TCF20: variants seen among roughly 807,000 people sequenced by gnomAD.
The protein encoded by TCF20 is SPRE-binding protein.
In TCF20, 3 loss-of-function variants were observed where a neutral mutation model predicts 148.6. The ratio of observed to expected loss-of-function variants is 0.02; its 90% CI spans 0.01 to 0.05. The LOEUF (loss-of-function observed/expected upper bound fraction) is 0.05. Ranked by LOEUF, TCF20 falls within the 10% of genes least tolerant of loss-of-function variation. TCF20 has a pLI of 1.00. For synonymous variants in TCF20, 1,049 were observed against 909.5 expected (o/e 1.15, Z -2.76); for missense variants, 2,350 against 2,429.3 (o/e 0.97, Z 0.69).
intron 1 of TCF20, among the ~76,000 whole-genome samples, chr22:42,221,149 G>A (rs1235579791): frequency 1.3e-5 from 2 of 152,200 alleles, no homozygotes; most frequent in Non-Finnish European, 2.9e-5. Flanking sequence ...GAGAGATTTA[G>A]AAGGCAAAAT....
rs1459914948 is a variant in TCF20 at position 42,169,000 on chromosome 22, A to C, written c.5800-264T>G. Among the ~76,000 whole-genome samples, 3 of 151,954 alleles carry C rather than the reference A, an allele frequency of 2.0e-5. No homozygotes were observed. The East Asian group carries it at 5.8e-4, about 29-fold the overall frequency. On this transcript the variant is annotated intron_variant, in intron 4 of 5. Transcript: ENST00000677622. ...GTGACCACTCCCCGCCCTTCCCCAGAAATAATTTTTAAAGAAAAGCATAAG... is the reference window on the plus strand; with the variant it reads ...GTGACCACTCCCCGCCCTTCCCCAGCAATAATTTTTAAAGAAAAGCATAAG...
chr22:42,243,310 A>AAAAAAAAAAAAAAAAAAACAAAAC (rs1569180401), intron 1 of TCF20, among the ~76,000 whole-genome samples: 4 of 140,954 alleles, frequency 2.8e-5, no homozygotes, highest in African/African-American at 1.2e-4. Flanking sequence ...AAAAAAAAAA[A>AAAAAAAAAAAAAAAAAAACAAAAC]AAAAAAAAAA....
intron 1 of TCF20, among the ~76,000 whole-genome samples, chr22:42,332,450 T>C (rs713804): frequency 0.6 from 91,702 of 152,022 alleles, 29,763 homozygotes; most frequent in African/African-American, 0.85. Flanking sequence ...CACTCTGGGT[T>C]CGACGGGGAG....
At chr22:42,196,881 T>C (rs941937699) in intron 2 of TCF20, among the ~76,000 whole-genome samples, 2 of 152,164 alleles carry the variant, frequency 1.3e-5, no homozygotes, top group African/African-American at 2.4e-5. Flanking sequence ...GGCTGGAAAT[T>C]TGTTATTCTG....
At chr22:42,223,559 C>T (rs957006128) in intron 1 of TCF20, among the ~76,000 whole-genome samples, 1 of 151,740 alleles carries the variant, frequency 6.6e-6, no homozygotes, top group African/African-American at 2.4e-5. Flanking sequence ...GTTAGTAATC[C>T]TTTTTGTAAA....
rs1921613184 is a variant in TCF20, at chr22:42,215,176, T to C, written c.130A>G (p.Thr44Ala). Reference protein sequence around the residue: ...QAQMFQNFGGTGGSSGSSGSG... With the variant: ...QAQMFQNFGGAGGSSGSSGSG... ...CCACTGCTGCCACTACTGCCACCTG[T>C]ACCTCCAAAATTCTGGAACATCTGG... The change falls in exon 2 of 6, where the codon ACA becomes GCA. Residue 44 changes from threonine (T) to alanine (A), a missense_variant. This residue lies in a region of TCF20 where 1,641 missense variants were observed against 1,662.6 expected (regional missense o/e 0.99). Transcript: ENST00000677622. 1.2e-6 allele frequency: 2 copies of C among 1,614,180 alleles called. No individual in the cohort carries two copies. Among genetic ancestry groups the C allele is most frequent in the Non-Finnish European group, 1.7e-6 (2 of 1,180,012 alleles).
intron 1 of TCF20, among the ~76,000 whole-genome samples, chr22:42,256,647 GAAAAACA>G (rs547742627): frequency 1.8e-3 from 268 of 151,472 alleles, no homozygotes; most frequent in Non-Finnish European, 2.5e-3. Flanking sequence ...ACATCTACTA[GAAAAACA>G]AAAAACAAAA....
chr22:42,224,145 G>C (rs1922630948), intron 1 of TCF20, among the ~76,000 whole-genome samples: 1 of 152,064 alleles, frequency 6.6e-6, no homozygotes, highest in African/African-American at 2.4e-5. Context: ...CCAAATACAT[G>C]CAGGCAAAAA....
intron 1 of TCF20, among the ~76,000 whole-genome samples, chr22:42,301,609 A>C (rs1927337720): frequency 6.6e-6 from 1 of 152,234 alleles, no homozygotes; most frequent in Non-Finnish European, 1.5e-5. Flanking sequence ...GCCATGCCAA[A>C]GGTGACAGAG....
Position 42,299,973 on chromosome 22 carries a change from G to C in TCF20, c.-37+43506C>G, listed in dbSNP as rs562993080. On this transcript the variant is annotated intron_variant, in intron 1 of 1. Coordinates refer to the TCF20 transcript ENST00000515426. This position sits in a 1 kb window ranked among gnomAD's most constrained non-coding sequence, Gnocchi z 4.1. The stretch of plus-strand genomic sequence containing the variant: ...GGGGAAGGAAGGGCGGGGAGGGGGA[G>C]GGGGAGGGGCGCGCTGAAATCACCC... Among the ~76,000 whole-genome samples, 1 of 146,654 alleles carries C rather than the reference G, an allele frequency of 6.8e-6. No homozygotes were observed. Among genetic ancestry groups the C allele is most frequent in the Admixed American group, 6.8e-5 (1 of 14,700 alleles).
chr22:42,184,580 G>T (rs937477873), intron 2 of TCF20, among the ~76,000 whole-genome samples: 4 of 152,074 alleles, frequency 2.6e-5, no homozygotes, highest in African/African-American at 9.7e-5. Flanking sequence ...TCACTGCACA[G>T]CTAAATGTCC....
chr22:42,312,373 G>A (rs1301141574), intron 1 of TCF20, among the ~76,000 whole-genome samples: 4 of 152,188 alleles, frequency 2.6e-5, no homozygotes, highest in Non-Finnish European at 5.9e-5. Context: ...GGTGTAGCTG[G>A]TAGAATAAAT....
intron 1 of TCF20, among the ~76,000 whole-genome samples, chr22:42,223,295 C>A (rs1922552151): frequency 6.6e-6 from 1 of 152,194 alleles, no homozygotes; most frequent in South Asian, 2.1e-4. Context: ...AGTCACTCCT[C>A]TAGGACAAGT....
chr22:42,281,077 G>T (rs983404201), intron 1 of TCF20, among the ~76,000 whole-genome samples: 1 of 152,258 alleles, frequency 6.6e-6, no homozygotes, highest in Admixed American at 6.5e-5. Flanking sequence ...AGTCATCTCG[G>T]GGTCCCAGGC....
At chr22:42,226,324 T>G (rs2147262932) in intron 1 of TCF20, among the ~76,000 whole-genome samples, 1 of 152,388 alleles carries the variant, frequency 6.6e-6, no homozygotes, top group South Asian at 2.1e-4. Context: ...TAATACATAA[T>G]TTCTAAACCT....
chr22:42,163,321 C>T (rs1252469772), intron 5 of TCF20, among the ~76,000 whole-genome samples: 1 of 152,228 alleles, frequency 6.6e-6, no homozygotes, highest in African/African-American at 2.4e-5. Flanking sequence ...AGTTCCTCAG[C>T]ACCTGCAGCC....
At chr22:42,269,206 G>A (rs1160354150) in intron 1 of TCF20, among the ~76,000 whole-genome samples, 2 of 151,894 alleles carry the variant, frequency 1.3e-5, no homozygotes, top group Non-Finnish European at 2.9e-5. Flanking sequence ...TTAACATAAG[G>A]GTCCAATTAT....
rs1936675604 is a variant in TCF20 at position 42,179,671 on chromosome 22, G to A, written c.5687C>T (p.Thr1896Ile). ...GCAGCCTTTGTTGTAGCAGCCCAAG[G>A]TGGCGCCTGCCTCCTGGCAGTGGGA... ...KCSHCQEAGA[T>I]LGCYNKGCSF... Residue 1896 changes from threonine (T) to isoleucine (I), a missense_variant, in exon 3 of 6, where the codon ACC (threonine) becomes ATC (isoleucine). Thr to Ile is a moderately conservative substitution (Grantham distance 89). Transcript: ENST00000677622. 1 of 1,613,978 alleles carries A rather than the reference G, an allele frequency of 6.2e-7. No individual in the cohort carries two copies. The highest frequency in any genetic ancestry group is 1.1e-5 in the South Asian group (1 of 91,086).
In TCF20 at chr22:42,211,645, G is replaced by A; in HGVS notation, c.3661C>T (p.His1221Tyr). The A allele has an allele frequency of 6.2e-7, 1 of 1,614,212 alleles. No homozygotes were observed. The highest frequency in any genetic ancestry group is 8.5e-7 in the Non-Finnish European group (1 of 1,180,042). ...GACTGTGTAGCCTCAGCTAGTCCAT[G>A]TCCATCAGTCTCATGGGGCGGCCCA... Reference protein sequence around the residue: ...RYGPPHETDGHGLAEATQSSK... With the variant: ...RYGPPHETDGYGLAEATQSSK... The change falls in exon 2 of 6, where the codon CAT (histidine) becomes TAT (tyrosine). Residue 1221 changes from histidine (H) to tyrosine (Y), a missense_variant. Coordinates refer to ENST00000677622, the MANE Select transcript of TCF20 (RefSeq NM_001378418.1).
Sources: allele counts gnomAD v4.1 joint callset (sites outside exome capture counted in the v4.1 genomes callset), GRCh38; gene constraint gnomAD v4.1.1; regional missense constraint gnomAD v4.1.1; non-coding constraint Gnocchi (gnomAD v3.1); transcripts MANE v1.5; gene names NCBI Gene and HGNC (gene_info 2026-07-23, HGNC 2026-07-21).